DIAPH3: variants seen among roughly 807,000 people sequenced by gnomAD.
DIAPH3 encodes diaphanous related formin 3, also known as protein diaphanous homolog 3.
Under a neutral mutation model 144.3 loss-of-function variants are expected in DIAPH3, and 117 were observed. The observed-to-expected ratio is 0.81, with a 90% confidence interval of 0.70 to 0.95. DIAPH3 has a LOEUF of 0.95. Among genes scored for constraint, DIAPH3 ranks in the 40% least tolerant of loss-of-function variants. DIAPH3 has a pLI of 0.00. For synonymous variants in DIAPH3, 519 were observed against 488.9 expected (o/e 1.06, Z -0.81); for missense variants, 1,421 against 1,412.7 (o/e 1.01, Z -0.09).
At chr13:60,070,955 A>G (rs2057184404) in intron 4 of DIAPH3, among the ~76,000 whole-genome samples, 2 of 152,224 alleles carry the variant, frequency 1.3e-5, no homozygotes, top group South Asian at 4.1e-4. Flanking sequence ...TGTATAATTG[A>G]CATTATTATT....
At chr13:59,949,647 C>A (rs2048997241) in intron 17 of DIAPH3, among the ~76,000 whole-genome samples, 1 of 152,126 alleles carries the variant, frequency 6.6e-6, no homozygotes. Context: ...AATAGCACAG[C>A]TGAGTAGCTG....
chr13:59,989,245 C>T (rs994337330), intron 12 of DIAPH3, among the ~76,000 whole-genome samples: 1 of 151,346 alleles, frequency 6.6e-6, no homozygotes, highest in Admixed American at 6.6e-5. Context: ...TAGACGTGTA[C>T]ACCAACAAGA....
intron 17 of DIAPH3, among the ~76,000 whole-genome samples, chr13:59,968,320 G>C (rs963458934): frequency 6.6e-6 from 1 of 152,072 alleles, no homozygotes; most frequent in Non-Finnish European, 1.5e-5. Context: ...TAGTTTTTAG[G>C]TACCACCATT....
At chr13:59,845,592 C>G (rs1277947866) in intron 22 of DIAPH3, among the ~76,000 whole-genome samples, 2 of 152,132 alleles carry the variant, frequency 1.3e-5, no homozygotes, top group Non-Finnish European at 2.9e-5. Context: ...AAAATACATA[C>G]TGCTTATAGT....
intron 27 of DIAPH3, among the ~76,000 whole-genome samples, chr13:59,714,491 C>T (rs1208167596): frequency 6.6e-6 from 1 of 152,030 alleles, no homozygotes; most frequent in Non-Finnish European, 1.5e-5. Context: ...GCTATGAACA[C>T]ACCACTGCCT....
chr13:59,697,491 A>AAAAAAAAAAAAAAAAAAAAG (rs1555274392), intron 27 of DIAPH3, among the ~76,000 whole-genome samples: 8 of 78,016 alleles, frequency 1.0e-4, no homozygotes, highest in African/African-American at 2.7e-4. Context: ...AAAAAAAAAA[A>AAAAAAAAAAAAAAAAAAAAG]AAGAAGAGGG....
intron 25 of DIAPH3, 61 bp from the exon 26 acceptor site, chr13:59,774,884 C>T: frequency 1.4e-6 from 2 of 1,414,712 alleles, no homozygotes; most frequent in Non-Finnish European, 2.0e-6. Context: ...AATGTCAAAG[C>T]ATATACAAAA....
intron 20 of DIAPH3, among the ~76,000 whole-genome samples, chr13:59,903,756 AAC>A (rs1398380573): frequency 1.3e-5 from 2 of 152,210 alleles, no homozygotes; most frequent in Non-Finnish European, 2.9e-5. Context: ...GATTTTTAAA[AAC>A]ACTGTTTTCA....
chr13:59,897,014 G>A (rs1252529065), intron 20 of DIAPH3, among the ~76,000 whole-genome samples: 1 of 152,084 alleles, frequency 6.6e-6, no homozygotes, highest in Non-Finnish European at 1.5e-5. Context: ...GAAAGCCAAA[G>A]TATAGAAAGT....
At chr13:59,857,768 A>C (rs2043339548) in intron 22 of DIAPH3, among the ~76,000 whole-genome samples, 1 of 152,184 alleles carries the variant, frequency 6.6e-6, no homozygotes, top group Admixed American at 6.5e-5. Flanking sequence ...GGTGACATTT[A>C]CTTTTAAGTT....
intron 25 of DIAPH3, among the ~76,000 whole-genome samples, chr13:59,775,733 A>T: frequency 1.2e-5 from 1 of 83,048 alleles, no homozygotes. Context: ...TACAGAACGT[A>T]TAGTTTATCT....
intron 25 of DIAPH3, among the ~76,000 whole-genome samples, chr13:59,786,448 A>G (rs2039033444): frequency 6.6e-6 from 1 of 152,178 alleles, no homozygotes; most frequent in Non-Finnish European, 1.5e-5. Context: ...ATTGTATCAT[A>G]TTGTTATTAA....
At chr13:59,676,130 CATGTA>C (rs1355586285) in intron 27 of DIAPH3, among the ~76,000 whole-genome samples, 1 of 152,170 alleles carries the variant, frequency 6.6e-6, no homozygotes, top group Non-Finnish European at 1.5e-5. Context: ...TTCACAGAAT[CATGTA>C]ATGTAGAATC....
intron 18 of DIAPH3, among the ~76,000 whole-genome samples, chr13:59,920,185 T>C (rs983672877): frequency 6.6e-6 from 1 of 151,902 alleles, no homozygotes; most frequent in African/African-American, 2.4e-5. Flanking sequence ...AAACGGTAGT[T>C]ATAAGTCCTT....
chr13:60,045,985 A>G lies in DIAPH3; in HGVS notation c.496-3165T>C, dbSNP rs555567162. Among the ~76,000 whole-genome samples the G allele has an allele frequency of 5.5e-4, 84 of 152,324 alleles. 3 individuals carry two copies. The South Asian group carries it at 0.017, about 32-fold the overall frequency. On this transcript the variant is annotated intron_variant, in intron 4 of 27. Transcript: ENST00000400324. ...AACAGTTTCTTCTGATAGTTGCTTA[A>G]TATGTCTAATGTACCTGATATTTTT...
intron 27 of DIAPH3, among the ~76,000 whole-genome samples, chr13:59,748,694 T>A (rs2036828591): frequency 6.6e-6 from 1 of 152,180 alleles, no homozygotes; most frequent in South Asian, 2.1e-4. Flanking sequence ...GTATGCAACC[T>A]GTAAAAACTT....
intron 24 of DIAPH3, among the ~76,000 whole-genome samples, chr13:59,827,815 T>A (rs947171634): frequency 6.6e-6 from 1 of 151,924 alleles, no homozygotes; most frequent in Admixed American, 6.6e-5. Context: ...CAGTGACCAA[T>A]GAAAGGCAGA....
chr13:59,804,944 A>G (rs2040118728), intron 25 of DIAPH3, among the ~76,000 whole-genome samples: 1 of 152,168 alleles, frequency 6.6e-6, no homozygotes, highest in Admixed American at 6.5e-5. Flanking sequence ...CATTTCCTCT[A>G]AAATGGAGGC....
intron 2 of DIAPH3, among the ~76,000 whole-genome samples, chr13:60,131,343 G>A (rs538975987): frequency 3.3e-5 from 5 of 151,274 alleles, no homozygotes; most frequent in Admixed American, 3.3e-4. Context: ...GGCTGATGTG[G>A]GAGGATTGCC....
Sources: allele counts gnomAD v4.1 joint callset (sites outside exome capture counted in the v4.1 genomes callset), GRCh38; gene constraint gnomAD v4.1.1; transcripts MANE v1.5; gene names NCBI Gene and HGNC (gene_info 2026-07-23, HGNC 2026-07-21).